The following RBFOX1 variants were observed in gnomAD, a reference collection of about 807,000 sequenced individuals.
The protein encoded by RBFOX1 is RNA binding protein fox-1 homolog 1.
Under a neutral mutation model 57.7 loss-of-function variants are expected in RBFOX1, and 8 were observed. That is an observed-to-expected ratio of 0.14 (90% CI 0.08 to 0.25). RBFOX1 has a LOEUF of 0.25. Among genes scored for constraint, RBFOX1 ranks in the 10% least tolerant of loss-of-function variants. RBFOX1 has a pLI of 1.00. For missense variants in RBFOX1, 611 were observed against 548.5 expected (o/e 1.11, Z -1.14); for synonymous variants, 326 against 222.4 (o/e 1.47, Z -4.15).
rs1359070041 is a variant in RBFOX1 at position 6,976,612 on chromosome 16, AAAGT to A, written c.-15-75441_-15-75438del. ...TCATAGACAGAGTAGGGCGTTCCCG[AAAGT>A]AAGAGGAAGAACGCATCCACCCTAG... On this transcript the variant is annotated intron_variant, in intron 3 of 15. Coordinates refer to ENST00000550418, the MANE Select transcript of RBFOX1 (RefSeq NM_018723.4). 9.9e-5 allele frequency among the ~76,000 whole-genome samples: 15 copies of A among 151,682 alleles called. No individual in the cohort carries two copies. The East Asian group carries it at 2.1e-3, about 22-fold the overall frequency.
chr16:7,130,733 T>C (rs1303438537), intron 4 of RBFOX1, among the ~76,000 whole-genome samples: 1 of 152,230 alleles, frequency 6.6e-6, no homozygotes, highest in Non-Finnish European at 1.5e-5. Flanking sequence ...AGCCCATTCC[T>C]GGCCAAATTC....
chr16:7,663,602 T>C (rs2068377380), intron 12 of RBFOX1, among the ~76,000 whole-genome samples: 2 of 152,084 alleles, frequency 1.3e-5, no homozygotes, highest in Admixed American at 6.6e-5. Flanking sequence ...AGAAACCTGC[T>C]GGAATCCTTT....
chr16:5,312,293 C>G (rs2064112660), intron 1 of RBFOX1, among the ~76,000 whole-genome samples: 2 of 152,116 alleles, frequency 1.3e-5, no homozygotes, highest in Admixed American at 6.5e-5. Flanking sequence ...CGGAATTTCT[C>G]CCAACTGGGA....
intron 4 of RBFOX1, among the ~76,000 whole-genome samples, chr16:7,113,472 C>G (rs1355816213): frequency 1.3e-5 from 2 of 152,250 alleles, no homozygotes; most frequent in African/African-American, 4.8e-5. Context: ...CCCTTTCGAT[C>G]TTGTTATGTA....
chr16:6,907,083 C>G (rs979148362), intron 3 of RBFOX1, among the ~76,000 whole-genome samples: 4 of 152,104 alleles, frequency 2.6e-5, no homozygotes, highest in Non-Finnish European at 4.4e-5. Context: ...CTCCGTATTC[C>G]AAGGATTCTC....
At chr16:7,592,248 C>G (rs1032697391) in intron 7 of RBFOX1, among the ~76,000 whole-genome samples, 1 of 152,180 alleles carries the variant, frequency 6.6e-6, no homozygotes, top group Non-Finnish European at 1.5e-5. Context: ...AGAATGTATT[C>G]TCTTTGCTTA....
intron 2 of RBFOX1, among the ~76,000 whole-genome samples, chr16:6,522,175 G>A (rs1006921342): frequency 2.6e-5 from 4 of 151,760 alleles, no homozygotes; most frequent in African/African-American, 9.7e-5. Flanking sequence ...GTGTGTGTGT[G>A]TGTGTGTGTG....
intron 4 of RBFOX1, among the ~76,000 whole-genome samples, chr16:7,210,511 G>A (rs2090920698): frequency 6.6e-6 from 1 of 152,266 alleles, no homozygotes; most frequent in Middle Eastern, 3.4e-3. Context: ...TCTATAAAAT[G>A]CCTTCACAGC....
intron 4 of RBFOX1, among the ~76,000 whole-genome samples, chr16:7,086,532 G>A (rs1351572712): frequency 6.6e-6 from 1 of 151,922 alleles, no homozygotes. Context: ...AATTTAAAAT[G>A]GATTAAAAAG....
At chr16:7,513,692 C>T (rs1194399634) in intron 4 of RBFOX1, among the ~76,000 whole-genome samples, 1 of 152,144 alleles carries the variant, frequency 6.6e-6, no homozygotes, top group Non-Finnish European at 1.5e-5. Context: ...TAAGAACTAC[C>T]GGTATGAGGC....
At chr16:7,173,030 T>C (rs1477929682) in intron 4 of RBFOX1, among the ~76,000 whole-genome samples, 1 of 152,146 alleles carries the variant, frequency 6.6e-6, no homozygotes, top group Non-Finnish European at 1.5e-5. Context: ...CCCTAGAATT[T>C]CCTGGTAGAA....
intron 4 of RBFOX1, among the ~76,000 whole-genome samples, chr16:5,877,500 T>G (rs2057644253): frequency 6.6e-6 from 1 of 152,244 alleles, no homozygotes; most frequent in Non-Finnish European, 1.5e-5. Context: ...CCTTTCCCAT[T>G]TACCCACATA....
chr16:6,653,403 C>G (rs899864215), intron 2 of RBFOX1, among the ~76,000 whole-genome samples: 1 of 152,144 alleles, frequency 6.6e-6, no homozygotes, highest in Non-Finnish European at 1.5e-5. Flanking sequence ...AGTGCAAGGT[C>G]TAGCAGCCAA....
At chr16:6,131,523 A>T (rs542002747) in intron 1 of RBFOX1, among the ~76,000 whole-genome samples, 1 of 152,304 alleles carries the variant, frequency 6.6e-6, no homozygotes, top group South Asian at 2.1e-4. Context: ...TCTGATCCAG[A>T]ACATCTGGAA....
chr16:5,461,037 C>G (rs575262697), intron 1 of RBFOX1, among the ~76,000 whole-genome samples: 2 of 152,102 alleles, frequency 1.3e-5, no homozygotes, highest in Non-Finnish European at 2.9e-5. Flanking sequence ...GTCTCATTTT[C>G]TCTACTGGGG....
chr16:5,303,155 T>G (rs1379821001), intron 1 of RBFOX1, among the ~76,000 whole-genome samples: 1 of 152,232 alleles, frequency 6.6e-6, no homozygotes, highest in African/African-American at 2.4e-5. Context: ...ACAGCTGCCT[T>G]AAGCTTAGAC....
Position 5,906,727 on chromosome 16 carries a change from C to CTTTTTT in RBFOX1, c.351+39412_351+39417dup, listed in dbSNP as rs57589514. On this transcript the variant is annotated intron_variant, in intron 4 of 19. Transcript: ENST00000641259. ...CCGCTGAAGCCATGAATCCTAGATT[C>CTTTTTT]TTTTTTTTTTTTTTTTTTTTTTTTT... Among the ~76,000 whole-genome samples the CTTTTTT allele has an allele frequency of 2.3e-3, 167 of 71,480 alleles. 6 individuals carry two copies. The highest frequency in any genetic ancestry group is 3.2e-3 in the African/African-American group (60 of 18,590). The allele number at this position is 71,480 out of a possible 152,430, so 46.9% of individuals were successfully genotyped here.
chr16:7,048,215 T>A (rs900921245), intron 3 of RBFOX1, among the ~76,000 whole-genome samples: 4 of 151,640 alleles, frequency 2.6e-5, no homozygotes, highest in Non-Finnish European at 5.9e-5. Flanking sequence ...AAAATTTAGT[T>A]ATTTTTATGG....
At chr16:5,312,935 T>C (rs75744218) in intron 1 of RBFOX1, among the ~76,000 whole-genome samples, 7,391 of 152,316 alleles carry the variant, frequency 0.049, 255 homozygotes, top group Non-Finnish European at 0.071. Context: ...CTGTTTGGCT[T>C]GCTTCAGCAT....
Sources: gnomAD v4.1 joint callset for allele counts (sites outside exome capture counted in the v4.1 genomes callset) on GRCh38, gnomAD v4.1.1 for gene constraint, MANE v1.5 for transcripts, NCBI Gene and HGNC (gene_info 2026-07-23, HGNC 2026-07-21) for gene names.